The following TMEM135 variants were observed in gnomAD, a reference collection of about 807,000 sequenced individuals.
The protein encoded by TMEM135 is transmembrane protein 135, also known as peroxisomal membrane protein 52.
In TMEM135, 30 loss-of-function variants were observed where a neutral mutation model predicts 60.3. That is an observed-to-expected ratio of 0.50 (90% CI 0.37 to 0.68). The LOEUF (loss-of-function observed/expected upper bound fraction) is 0.68, where lower values mean the gene tolerates loss of function less well. Among genes scored for constraint, TMEM135 ranks in the 30% least tolerant of loss-of-function variants. The pLI is 0.00. For synonymous variants in TMEM135, 190 were observed against 186.7 expected, an observed-to-expected ratio of 1.02 and a Z score of -0.14; for missense variants, 468 against 548.8, an observed-to-expected ratio of 0.85 and a Z score of 1.47.
intron 6 of TMEM135, among the ~76,000 whole-genome samples, chr11:87,262,719 G>T (rs1381255058): frequency 6.6e-6 from 1 of 152,130 alleles, no homozygotes; most frequent in African/African-American, 2.4e-5. Context: ...GGCAGTTGGG[G>T]AAGTTCAGCT....
At chr11:87,318,755 C>T (rs1942773128) in intron 13 of TMEM135, among the ~76,000 whole-genome samples, 1 of 151,832 alleles carries the variant, frequency 6.6e-6, no homozygotes, top group Non-Finnish European at 1.5e-5. Context: ...TGCTCTTTCT[C>T]ATAAAATGCT....
At chr11:87,247,039 G>A (rs1336625326) in intron 6 of TMEM135, among the ~76,000 whole-genome samples, 2 of 147,526 alleles carry the variant, frequency 1.4e-5, no homozygotes, top group East Asian at 2.0e-4. Flanking sequence ...TGGTGTGGAT[G>A]TCCTTTCTGT....
chr11:87,236,900 C>T (rs1941010261), intron 6 of TMEM135, among the ~76,000 whole-genome samples: 1 of 151,684 alleles, frequency 6.6e-6, no homozygotes, highest in Admixed American at 6.6e-5. Flanking sequence ...TCCCCACCCC[C>T]CATTCTATTT....
At chr11:87,149,596 T>TTTG in intron 4 of TMEM135, among the ~76,000 whole-genome samples, 1 of 152,222 alleles carries the variant, frequency 6.6e-6, no homozygotes, top group Admixed American at 6.5e-5. Context: ...CCTTCTTGTA[T>TTTG]CTGTAATTTC....
At chr11:87,186,807 AT>A (rs1247295512) in intron 5 of TMEM135, among the ~76,000 whole-genome samples, 2 of 152,196 alleles carry the variant, frequency 1.3e-5, no homozygotes, top group Admixed American at 6.5e-5. Flanking sequence ...TTATGGCCTA[AT>A]TTTTTTACTC....
chr11:87,107,551 G>A (rs1441773307), intron 4 of TMEM135, among the ~76,000 whole-genome samples: 1 of 151,996 alleles, frequency 6.6e-6, no homozygotes, highest in African/African-American at 2.4e-5. Context: ...TGCTCAGAGG[G>A]ATGGTTTCCA....
At chr11:87,197,033 A>T (rs1686829057) in intron 5 of TMEM135, among the ~76,000 whole-genome samples, 1 of 152,138 alleles carries the variant, frequency 6.6e-6, no homozygotes, top group African/African-American at 2.4e-5. Context: ...AGCAAAACTT[A>T]TAGTACCAAA....
In TMEM135 at chr11:87,326,219, G is replaced by A. The variant is rs765868394; in HGVS notation, c.*4886G>A. 1.8e-5 allele frequency: 8 copies of A among 453,858 alleles called. No individual in the cohort carries two copies. Among genetic ancestry groups the A allele is most frequent in the South Asian group, 3.1e-5 (2 of 64,470 alleles). The allele number at this position is 453,858 out of a possible 1,614,324, so 28.1% of individuals were successfully genotyped here. A position where few individuals can be genotyped will look rare whatever the true frequency, so the allele number is the denominator to read the frequency against. ...GATGTTCCCTGGTCTTGGCATAGAG[G>A]CCATAGGCATACAACATGCTTTATC... On this transcript the variant is annotated 3_prime_UTR_variant, in exon 15 of 15. Coordinates refer to ENST00000305494, the MANE Select transcript of TMEM135 (RefSeq NM_022918.4).
chr11:87,188,367 CCTTAT>C (rs1939704375), intron 5 of TMEM135, among the ~76,000 whole-genome samples: 1 of 152,006 alleles, frequency 6.6e-6, no homozygotes, highest in African/African-American at 2.4e-5. Flanking sequence ...CTCTTTTTAC[CCTTAT>C]CTTGTCTTTT....
chr11:87,116,968 A>G (rs900039927), intron 4 of TMEM135, among the ~76,000 whole-genome samples: 4 of 151,900 alleles, frequency 2.6e-5, no homozygotes, highest in Admixed American at 6.6e-5. Flanking sequence ...GATTACAGGC[A>G]TGTGCCACCA....
rs1320085051 is a variant in TMEM135 at position 87,322,204 on chromosome 11, T to C, written c.*871T>C. 1 of 454,484 alleles carries C rather than the reference T, an allele frequency of 2.2e-6. No homozygotes were observed. The highest frequency in any genetic ancestry group is 6.9e-5 in the East Asian group (1 of 14,402). 28.2% of individuals were successfully genotyped at this position (454,484 alleles called of 1,614,324 possible). On this transcript the variant is annotated 3_prime_UTR_variant, in exon 15 of 15. Transcript: ENST00000305494. Reference sequence around the variant, plus strand: ...ATAATCCTTCATAGCTCAGTTTATATGCCATTGTTGTATTAGAAGGGATCA... The same window carrying C: ...ATAATCCTTCATAGCTCAGTTTATACGCCATTGTTGTATTAGAAGGGATCA...
intron 6 of TMEM135, among the ~76,000 whole-genome samples, chr11:87,245,461 TCC>T (rs1941245422): frequency 8.9e-6 from 1 of 112,668 alleles, no homozygotes; most frequent in African/African-American, 3.5e-5. Context: ...TGTTAAAGTC[TCC>T]CATTATTATT....
intron 1 of TMEM135, among the ~76,000 whole-genome samples, chr11:87,050,537 C>T (rs1407704860): frequency 1.3e-4 from 7 of 54,160 alleles, no homozygotes; most frequent in African/African-American, 9.7e-4. Flanking sequence ...CTACAAACAC[C>T]TCTACGCAAA....
At chr11:87,190,971 T>C (rs1466785164) in intron 5 of TMEM135, among the ~76,000 whole-genome samples, 2 of 152,206 alleles carry the variant, frequency 1.3e-5, no homozygotes, top group African/African-American at 4.8e-5. Flanking sequence ...AGTTGTTTTA[T>C]TCTTCATTAT....
chr11:87,283,333 C>CA (rs372137194), intron 6 of TMEM135, among the ~76,000 whole-genome samples: 3,061 of 95,970 alleles, frequency 0.032, 36 homozygotes, highest in South Asian at 0.067. Flanking sequence ...AATTCCATCT[C>CA]AAAAAAAAAA....
At chr11:87,302,534 G>T in intron 8 of TMEM135, 92 bp downstream of exon 8, 3 of 1,501,420 alleles carry the variant, frequency 2.0e-6, no homozygotes, top group Non-Finnish European at 1.8e-6. Flanking sequence ...TTCTATTCAG[G>T]TAATGATGAT....
intron 5 of TMEM135, among the ~76,000 whole-genome samples, chr11:87,229,232 A>T (rs1940834284): frequency 6.6e-6 from 1 of 152,140 alleles, no homozygotes; most frequent in African/African-American, 2.4e-5. Flanking sequence ...ATATAAATAT[A>T]TTCAGTTTCA....
chr11:87,278,381 CT>C (rs5793246), intron 6 of TMEM135, among the ~76,000 whole-genome samples: 8,868 of 144,842 alleles, frequency 0.061, 528 homozygotes, highest in East Asian at 0.16. Flanking sequence ...AATTTTCGTT[CT>C]TTTTTTTTTT....
chr11:87,103,587 A>G (rs550155738), intron 4 of TMEM135, among the ~76,000 whole-genome samples: 1 of 150,424 alleles, frequency 6.6e-6, no homozygotes, highest in African/African-American at 2.4e-5. Context: ...AATCCCTTAC[A>G]TATTTTGGAT....
Sources: allele counts gnomAD v4.1 joint callset (sites outside exome capture counted in the v4.1 genomes callset), GRCh38; gene constraint gnomAD v4.1.1; transcripts MANE v1.5; gene names NCBI Gene and HGNC (gene_info 2026-07-23, HGNC 2026-07-21).